TASP1: variants seen among roughly 807,000 people sequenced by gnomAD.
TASP1 encodes taspase 1.
Under a neutral mutation model 56.6 loss-of-function variants are expected in TASP1, and 16 were observed. The ratio of observed to expected loss-of-function variants is 0.28; its 90% CI spans 0.19 to 0.43. The LOEUF (loss-of-function observed/expected upper bound fraction) is 0.43. TASP1 is among the 20% of genes least tolerant of loss of function. TASP1 has a pLI of 1.00. For missense variants in TASP1, 393 were observed against 511.6 expected, an observed-to-expected ratio of 0.77 and a Z score of 2.24; for synonymous variants, 179 against 184.2, an observed-to-expected ratio of 0.97 and a Z score of 0.23.
chr20:13,231,925 T>C, the TASP1 span, among the ~76,000 whole-genome samples: 6 of 152,194 alleles, frequency 3.9e-5, no homozygotes, highest in East Asian at 5.8e-4. Context: ...ACACCACTTA[T>C]CTATTTTCAA....
the TASP1 span, among the ~76,000 whole-genome samples, chr20:13,106,002 CA>C: frequency 8.4e-4 from 128 of 152,168 alleles, 1 homozygote; most frequent in African/African-American, 3.0e-3. Context: ...CTGAAAATTT[CA>C]AAACAAGAAA....
intron 12 of TASP1, among the ~76,000 whole-genome samples, chr20:13,418,282 G>C (rs936186571): frequency 2.6e-4 from 39 of 152,100 alleles, no homozygotes; most frequent in Admixed American, 2.6e-3. Context: ...TTCCAGAGCT[G>C]GGACAGAGAA....
chr20:13,461,435 T>C (rs2044047799), intron 11 of TASP1, among the ~76,000 whole-genome samples: 1 of 152,188 alleles, frequency 6.6e-6, no homozygotes. Context: ...GCCTGAAACA[T>C]AGTGTATGCA....
chr20:13,458,413 T>C (rs1159337893), intron 11 of TASP1, among the ~76,000 whole-genome samples: 2 of 152,154 alleles, frequency 1.3e-5, no homozygotes, highest in African/African-American at 4.8e-5. Context: ...AATGGCACGA[T>C]CTTGGCTCAC....
the TASP1 span, among the ~76,000 whole-genome samples, chr20:13,367,183 T>C: frequency 4.6e-5 from 7 of 152,212 alleles, no homozygotes; most frequent in East Asian, 7.7e-4. Flanking sequence ...GGTAGAGTAA[T>C]AGATTTTACA....
At chr20:13,454,730 A>G (rs547988107) in intron 11 of TASP1, among the ~76,000 whole-genome samples, 3 of 152,272 alleles carry the variant, frequency 2.0e-5, no homozygotes, top group South Asian at 2.1e-4. Context: ...GGGCACAGCA[A>G]GGCCATTTCC....
At chr20:13,344,892 G>A in the TASP1 span, among the ~76,000 whole-genome samples, 1 of 152,154 alleles carries the variant, frequency 6.6e-6, no homozygotes, top group Non-Finnish European at 1.5e-5. Context: ...GGTCTCCAAG[G>A]TTTCTCTGGC....
chr20:13,559,857 G>A (rs2046283045), intron 7 of TASP1, among the ~76,000 whole-genome samples: 1 of 152,100 alleles, frequency 6.6e-6, no homozygotes, highest in South Asian at 2.1e-4. Context: ...GTTTTAAAAG[G>A]AAAATTCATA....
At chr20:13,519,311 T>C (rs1195346839) in intron 10 of TASP1, among the ~76,000 whole-genome samples, 3 of 152,030 alleles carry the variant, frequency 2.0e-5, no homozygotes, top group Non-Finnish European at 4.4e-5. Flanking sequence ...CCTGCAAATG[T>C]ACCCATGAAT....
chr20:13,317,009 T>G, the TASP1 span, among the ~76,000 whole-genome samples: 1 of 151,956 alleles, frequency 6.6e-6, no homozygotes, highest in African/African-American at 2.4e-5. Context: ...AAACTGTCTG[T>G]TCATGGATGA....
chr20:13,397,900 T>A (rs1397286975), intron 13 of TASP1, among the ~76,000 whole-genome samples: 2 of 152,132 alleles, frequency 1.3e-5, no homozygotes, highest in East Asian at 3.9e-4. Flanking sequence ...AGGCTATGGG[T>A]CACCATTTCC....
At chr20:13,332,247 C>T in the TASP1 span, among the ~76,000 whole-genome samples, 1 of 152,060 alleles carries the variant, frequency 6.6e-6, no homozygotes, top group African/African-American at 2.4e-5. Flanking sequence ...GTTGTGGGGC[C>T]CAGTGCAAAA....
At chr20:13,614,770 T>G (rs1481000077) in intron 4 of TASP1, 1 of 468,002 alleles carries the variant, frequency 2.1e-6, no homozygotes, top group South Asian at 1.6e-5. Flanking sequence ...TTCAATAAAC[T>G]TTCACATTTG....
the TASP1 span, among the ~76,000 whole-genome samples, chr20:13,371,369 C>G: frequency 6.6e-6 from 1 of 152,096 alleles, no homozygotes; most frequent in African/African-American, 2.4e-5. Flanking sequence ...TGTTTTCATT[C>G]ATCTCAAAAT....
chr20:13,188,099 T>C, the TASP1 span, among the ~76,000 whole-genome samples: 1 of 152,112 alleles, frequency 6.6e-6, no homozygotes, highest in Non-Finnish European at 1.5e-5. Context: ...GCTCATCAGA[T>C]CAAAGGAGGA....
At chr20:13,476,384 T>C (rs1223815110) in intron 11 of TASP1, among the ~76,000 whole-genome samples, 1 of 152,192 alleles carries the variant, frequency 6.6e-6, no homozygotes, top group African/African-American at 2.4e-5. Flanking sequence ...TTTTCATCCA[T>C]TCATTTGAAA....
chr20:13,274,073 G>GTGTT, the TASP1 span, among the ~76,000 whole-genome samples: 1 of 151,660 alleles, frequency 6.6e-6, no homozygotes, highest in Non-Finnish European at 1.5e-5. Flanking sequence ...GTGTGTGTGT[G>GTGTT]TGTGTATGTG....
chr20:13,197,950 T>A, the TASP1 span, among the ~76,000 whole-genome samples: 1 of 152,372 alleles, frequency 6.6e-6, no homozygotes, highest in East Asian at 1.9e-4. Flanking sequence ...GTCATTTTTA[T>A]GTATATACTA....
At chr20:13,237,570 G>A in the TASP1 span, among the ~76,000 whole-genome samples, 2 of 152,160 alleles carry the variant, frequency 1.3e-5, no homozygotes, top group African/African-American at 4.8e-5. Context: ...GATGAAAAGG[G>A]AGTCCAAGGA....
Sources: allele counts gnomAD v4.1 joint callset (sites outside exome capture counted in the v4.1 genomes callset), GRCh38; gene constraint gnomAD v4.1.1; transcripts MANE v1.5; gene names NCBI Gene and HGNC (gene_info 2026-07-23, HGNC 2026-07-21).